FSTL5: variants seen among roughly 807,000 people sequenced by gnomAD.
FSTL5 encodes follistatin like 5, also known as follistatin-related protein 5.
In FSTL5, 62 loss-of-function variants were observed where a neutral mutation model predicts 89.1. That is an observed-to-expected ratio of 0.70 (90% CI 0.57 to 0.86). The LOEUF (loss-of-function observed/expected upper bound fraction) is 0.86, where lower values mean the gene tolerates loss of function less well. Ranked by LOEUF, FSTL5 falls within the 40% of genes least tolerant of loss-of-function variation. The probability of loss-of-function intolerance (pLI) is 0.00; values close to 1 mark genes in which losing one functional copy is unlikely to be tolerated. For synonymous variants in FSTL5, 383 were observed against 346.2 expected (o/e 1.11, Z -1.18); for missense variants, 1,057 against 1,001.6 (o/e 1.06, Z -0.75).
At chr4:162,082,116 C>A (rs1012496565) in intron 2 of FSTL5, among the ~76,000 whole-genome samples, 2 of 151,726 alleles carry the variant, frequency 1.3e-5, no homozygotes, top group African/African-American at 4.8e-5. Context: ...ACAGATAACA[C>A]TCAGCTGTGG....
chr4:161,564,248 TGCAAGTACACAC>T (rs1732719533), intron 8 of FSTL5, among the ~76,000 whole-genome samples: 1 of 151,132 alleles, frequency 6.6e-6, no homozygotes, highest in Non-Finnish European at 1.5e-5. Flanking sequence ...TATGTACACA[TGCAAGTACACAC>T]ACAAACATTT....
At chr4:161,657,301 A>G (rs574884818) in intron 6 of FSTL5, among the ~76,000 whole-genome samples, 2 of 152,212 alleles carry the variant, frequency 1.3e-5, no homozygotes, top group Non-Finnish European at 2.9e-5. Flanking sequence ...GCATCCATGT[A>G]AAAACTGACC....
chr4:161,812,934 AG>A (rs1730205784), intron 4 of FSTL5, among the ~76,000 whole-genome samples: 2 of 149,744 alleles, frequency 1.3e-5, no homozygotes, highest in Non-Finnish European at 3.0e-5. Flanking sequence ...AATAAGAGCC[AG>A]TAAGAAATCT....
chr4:162,014,736 T>C (rs1296083836), intron 3 of FSTL5, among the ~76,000 whole-genome samples: 1 of 151,972 alleles, frequency 6.6e-6, no homozygotes, highest in Admixed American at 6.6e-5. Flanking sequence ...GACCCTAAAA[T>C]CTTTTTTTAA....
intron 4 of FSTL5, among the ~76,000 whole-genome samples, chr4:161,889,182 T>C (rs1398584507): frequency 1.3e-5 from 2 of 152,306 alleles, no homozygotes; most frequent in South Asian, 4.1e-4. Context: ...TTTACGATCA[T>C]CCACAAAATA....
chr4:162,130,414 C>T (rs1465726030), intron 1 of FSTL5, among the ~76,000 whole-genome samples: 1 of 152,092 alleles, frequency 6.6e-6, no homozygotes, highest in African/African-American at 2.4e-5. Context: ...ATTAGAAAGG[C>T]GTAAGAACTA....
At chr4:161,642,362 A>C (rs1297720992) in intron 7 of FSTL5, among the ~76,000 whole-genome samples, 1 of 152,220 alleles carries the variant, frequency 6.6e-6, no homozygotes, top group Non-Finnish European at 1.5e-5. Flanking sequence ...GTATTACTTT[A>C]AATGGAAATG....
At chr4:161,758,612 G>T (rs746548115) in intron 6 of FSTL5, among the ~76,000 whole-genome samples, 2 of 152,068 alleles carry the variant, frequency 1.3e-5, no homozygotes, top group Non-Finnish European at 2.9e-5. Flanking sequence ...TCCGCCCCCG[G>T]GTTCAAGTGA....
intron 15 of FSTL5, among the ~76,000 whole-genome samples, chr4:161,406,449 A>G (rs1731379864): frequency 6.6e-6 from 1 of 152,120 alleles, no homozygotes; most frequent in Non-Finnish European, 1.5e-5. Flanking sequence ...TCTATCCTGG[A>G]GAATGCTCCA....
At chr4:162,100,731 G>T (rs1730962774) in intron 2 of FSTL5, among the ~76,000 whole-genome samples, 1 of 152,268 alleles carries the variant, frequency 6.6e-6, no homozygotes, top group Admixed American at 6.5e-5. Context: ...GATACAGGAT[G>T]TTAATAAAGG....
chr4:161,518,436 T>A (rs772998624), intron 10 of FSTL5, among the ~76,000 whole-genome samples: 3 of 152,098 alleles, frequency 2.0e-5, no homozygotes, highest in Non-Finnish European at 4.4e-5. Context: ...AGGTATGACA[T>A]GGAAGAAGAG....
intron 10 of FSTL5, among the ~76,000 whole-genome samples, chr4:161,535,026 A>G (rs1731548413): frequency 6.6e-6 from 1 of 152,184 alleles, no homozygotes; most frequent in South Asian, 2.1e-4. Flanking sequence ...CACATGCAGA[A>G]GAATGAAACT....
chr4:162,024,044 T>TA (rs1163608774), intron 3 of FSTL5, among the ~76,000 whole-genome samples: 8 of 152,042 alleles, frequency 5.3e-5, no homozygotes, highest in Non-Finnish European at 8.8e-5. Flanking sequence ...CTAGGCCCTG[T>TA]AAAAAAAGCC....
At chr4:161,581,642 T>C (rs1329059980) in intron 8 of FSTL5, among the ~76,000 whole-genome samples, 1 of 152,248 alleles carries the variant, frequency 6.6e-6, no homozygotes, top group Non-Finnish European at 1.5e-5. Flanking sequence ...CTGGCTTTTG[T>C]GTCTTTCGTA....
At chr4:162,010,796 T>A (rs1736743768) in intron 3 of FSTL5, among the ~76,000 whole-genome samples, 1 of 152,236 alleles carries the variant, frequency 6.6e-6, no homozygotes, top group South Asian at 2.1e-4. Flanking sequence ...TTACTGAATA[T>A]TATACCATTG....
At chr4:161,764,284 G>C (rs2126793587) in intron 5 of FSTL5, among the ~76,000 whole-genome samples, 1 of 152,278 alleles carries the variant, frequency 6.6e-6, no homozygotes. Flanking sequence ...TTGAGAGGGA[G>C]TTTCACTCTT....
chr4:161,573,741 AAAAAAAAAAAAAAAAAG>A (rs1733113344), intron 8 of FSTL5, among the ~76,000 whole-genome samples: 1 of 99,104 alleles, frequency 1.0e-5, no homozygotes. Flanking sequence ...CTCAAAAAAA[AAAAAAAAAAAAAAAAAG>A]AAAAGAAAAT....
In FSTL5 at chr4:161,935,826, T is replaced by A. The variant is rs547762824; in HGVS notation, c.161-15174A>T. Among the ~76,000 whole-genome samples the A allele has an allele frequency of 2.0e-3, 311 of 152,306 alleles. 1 individual carries two copies. The highest frequency in any genetic ancestry group is 7.1e-3 in the African/African-American group (294 of 41,576). Reference sequence around the variant, plus strand: ...TCTACACATGCTTCACAAATCATTTTATGAGAAATGCACAGAATGAGAAAG... The same window carrying A: ...TCTACACATGCTTCACAAATCATTTAATGAGAAATGCACAGAATGAGAAAG... On this transcript the variant is annotated intron_variant, in intron 3 of 15. Transcript: ENST00000306100.
intron 3 of FSTL5, among the ~76,000 whole-genome samples, chr4:161,945,428 G>A (rs1734708046): frequency 6.6e-6 from 1 of 152,160 alleles, no homozygotes. Flanking sequence ...CATGAAAGAA[G>A]ATGTAGGTTT....
Sources: allele counts gnomAD v4.1 joint callset (sites outside exome capture counted in the v4.1 genomes callset), GRCh38; gene constraint gnomAD v4.1.1; transcripts MANE v1.5; gene names NCBI Gene and HGNC (gene_info 2026-07-23, HGNC 2026-07-21).